ABHD17C: variants seen among roughly 807,000 people sequenced by gnomAD.
ABHD17C encodes the protein abhydrolase domain containing 17C, depalmitoylase, also known as alpha/beta hydrolase domain-containing protein 17C.
ABHD17C carries 11 observed loss-of-function variants against 27.9 expected under a neutral mutation model. The observed-to-expected ratio is 0.39, with a 90% confidence interval of 0.25 to 0.65. ABHD17C has a LOEUF of 0.65. Ranked by LOEUF, ABHD17C falls within the 30% of genes least tolerant of loss-of-function variation. The probability of loss-of-function intolerance (pLI) is 0.45; values close to 1 mark genes in which losing one functional copy is unlikely to be tolerated. For synonymous variants in ABHD17C, 233 were observed against 209.1 expected (o/e 1.11, Z -0.98); for missense variants, 280 against 470.2 (o/e 0.60, Z 3.74).
chr15:80,712,722 T>A (rs1481800082), intron 1 of ABHD17C, among the ~76,000 whole-genome samples: 1 of 152,202 alleles, frequency 6.6e-6, no homozygotes, highest in Non-Finnish European at 1.5e-5. Context: ...GAAAAGTGAC[T>A]GTGGTTGTTA....
chr15:80,699,612 C>T (rs1894543935), intron 1 of ABHD17C, among the ~76,000 whole-genome samples: 1 of 152,196 alleles, frequency 6.6e-6, no homozygotes, highest in African/African-American at 2.4e-5. Context: ...AGCTGTCCAG[C>T]CCTTGAAACA....
intron 1 of ABHD17C, among the ~76,000 whole-genome samples, chr15:80,735,487 A>C (rs989689504): frequency 6.6e-6 from 1 of 151,690 alleles, no homozygotes; most frequent in African/African-American, 2.4e-5. Context: ...TGCCACTCTC[A>C]CCACCCACCT....
chr15:80,737,098 T>C (rs754243006), intron 1 of ABHD17C, among the ~76,000 whole-genome samples: 4 of 152,136 alleles, frequency 2.6e-5, no homozygotes, highest in Non-Finnish European at 4.4e-5. Flanking sequence ...CAGCATAGCC[T>C]GTGACTGCAA....
intron 1 of ABHD17C, among the ~76,000 whole-genome samples, chr15:80,706,478 C>G (rs1439655975): frequency 6.6e-6 from 1 of 152,174 alleles, no homozygotes; most frequent in African/African-American, 2.4e-5. Flanking sequence ...ACCGCCAGTA[C>G]TGATGATTAG....
chr15:80,742,470 T>C (rs1014731336), intron 1 of ABHD17C, among the ~76,000 whole-genome samples: 7 of 152,242 alleles, frequency 4.6e-5, no homozygotes, highest in African/African-American at 1.7e-4. Flanking sequence ...AATTTTCCTG[T>C]TGTCCACCTT....
At chr15:80,737,107 A>G (rs981418978) in intron 1 of ABHD17C, among the ~76,000 whole-genome samples, 2 of 152,164 alleles carry the variant, frequency 1.3e-5, no homozygotes, top group African/African-American at 4.8e-5. Flanking sequence ...CTGTGACTGC[A>G]AAAGGATGGT....
At chr15:80,734,482 C>G (rs1259683606) in intron 1 of ABHD17C, among the ~76,000 whole-genome samples, 1 of 152,164 alleles carries the variant, frequency 6.6e-6, no homozygotes, top group Non-Finnish European at 1.5e-5. Flanking sequence ...CAATTATACT[C>G]AGATAAGTTC....
intron 1 of ABHD17C, among the ~76,000 whole-genome samples, chr15:80,706,130 C>G (rs1894645477): frequency 6.6e-6 from 1 of 152,214 alleles, no homozygotes; most frequent in Non-Finnish European, 1.5e-5. Context: ...CCTAGTTGGC[C>G]AGGGGACCTG....
chr15:80,750,825 T>G (rs1162289721), intron 2 of ABHD17C, among the ~76,000 whole-genome samples: 1 of 152,126 alleles, frequency 6.6e-6, no homozygotes, highest in Non-Finnish European at 1.5e-5. Flanking sequence ...AGACGGATAC[T>G]TAGCATGTTT....
chr15:80,741,653 T>C (rs1020632866), intron 1 of ABHD17C, among the ~76,000 whole-genome samples: 11 of 152,218 alleles, frequency 7.2e-5, no homozygotes, highest in Non-Finnish European at 1.2e-4. Flanking sequence ...GCACAATTTT[T>C]TTTTCTTCGT....
At chr15:80,705,367 G>GTGTGTGTGTGTGTGTGTGTGTGTGTT (rs57722326) in intron 1 of ABHD17C, among the ~76,000 whole-genome samples, 1 of 150,144 alleles carries the variant, frequency 6.7e-6, no homozygotes, top group Non-Finnish European at 1.5e-5. Context: ...GTGTGTGTGT[G>GTGTGTGTGTGTGTGTGTGTGTGTGTT]GTTAGGAGCA....
At chr15:80,711,142 C>T (rs897226038) in intron 1 of ABHD17C, among the ~76,000 whole-genome samples, 3 of 152,208 alleles carry the variant, frequency 2.0e-5, no homozygotes, top group African/African-American at 7.2e-5. Flanking sequence ...GGACCTACCT[C>T]TGCTTCTGTG....
At chr15:80,733,983 AT>A (rs1360719093) in intron 1 of ABHD17C, among the ~76,000 whole-genome samples, 41 of 149,264 alleles carry the variant, frequency 2.7e-4, no homozygotes, top group African/African-American at 9.9e-4. Context: ...TTATTTATTT[AT>A]TTATTTATTT....
At chr15:80,715,757 G>T (rs1272075129) in intron 1 of ABHD17C, among the ~76,000 whole-genome samples, 1 of 152,116 alleles carries the variant, frequency 6.6e-6, no homozygotes, top group Non-Finnish European at 1.5e-5. Flanking sequence ...AGGTTTCCAT[G>T]TATTTCTTTC....
chr15:80,709,488 C>A (rs1178260704), intron 1 of ABHD17C, among the ~76,000 whole-genome samples: 104 of 131,954 alleles, frequency 7.9e-4, no homozygotes, highest in South Asian at 9.7e-4. Context: ...GACTCTGTCT[C>A]AAAAAAAAAA....
chr15:80,728,432 G>T lies in ABHD17C; in HGVS notation c.591-21081G>T, dbSNP rs538863310. ...CTGATCAAGCATGCTTTATCACCTG[G>T]TGGGGCTGAGCTTTTAGGAGAAGTG... On this transcript the variant is annotated intron_variant, in intron 1 of 2. Coordinates refer to ENST00000258884, the MANE Select transcript of ABHD17C (RefSeq NM_021214.2). Among the ~76,000 whole-genome samples the T allele has an allele frequency of 2.0e-5, 3 of 152,280 alleles. No individual in the cohort carries two copies. The South Asian group carries it at 6.2e-4, about 32-fold the overall frequency.
chr15:80,743,118 A>G (rs1895232307), intron 1 of ABHD17C, among the ~76,000 whole-genome samples: 1 of 152,142 alleles, frequency 6.6e-6, no homozygotes, highest in Non-Finnish European at 1.5e-5. Context: ...TGTGGCATTG[A>G]GAGAATAAAG....
chr15:80,748,720 C>G (rs1212569889), intron 1 of ABHD17C, among the ~76,000 whole-genome samples: 2 of 148,776 alleles, frequency 1.3e-5, no homozygotes, highest in Non-Finnish European at 3.0e-5. Context: ...TCTGCATGGG[C>G]TGAGGTGGCT....
At chr15:80,743,179 TA>T (rs1361135892) in intron 1 of ABHD17C, among the ~76,000 whole-genome samples, 1 of 151,856 alleles carries the variant, frequency 6.6e-6, no homozygotes, top group East Asian at 1.9e-4. Context: ...CTGGGAGGGG[TA>T]AGAATCTGGC....
Sources: gnomAD v4.1 joint callset for allele counts (sites outside exome capture counted in the v4.1 genomes callset) on GRCh38, gnomAD v4.1.1 for gene constraint, MANE v1.5 for transcripts, NCBI Gene and HGNC (gene_info 2026-07-23, HGNC 2026-07-21) for gene names.